MAP3K4: variants seen among roughly 807,000 people sequenced by gnomAD.
MAP3K4 encodes the protein MAP three kinase 1.
Under a neutral mutation model 185.6 loss-of-function variants are expected in MAP3K4, and 67 were observed. The observed-to-expected ratio is 0.36, with a 90% CI of 0.30 to 0.44. MAP3K4 has a LOEUF of 0.44. MAP3K4 is among the 20% of genes least tolerant of loss of function. The probability of loss-of-function intolerance (pLI) is 1.00; values close to 1 mark genes in which losing one functional copy is unlikely to be tolerated. For missense variants in MAP3K4, 1,551 were observed against 1,995.1 expected (o/e 0.78, Z 4.24); for synonymous variants, 702 against 710.4 (o/e 0.99, Z 0.19).
At chr6:160,995,808 C>T (rs1780960547) in intron 1 of MAP3K4, among the ~76,000 whole-genome samples, 1 of 152,162 alleles carries the variant, frequency 6.6e-6, no homozygotes, top group Non-Finnish European at 1.5e-5. Flanking sequence ...TGGATCTGTA[C>T]ACCTAAAACA....
At position 161,070,666 on chromosome 6, in the gene MAP3K4, C is replaced by T. The variant is rs1784897842; in HGVS notation, c.1766C>T (p.Pro589Leu). The change falls in exon 4 of 27, where the codon CCA becomes CTA. Residue 589 changes from proline (P) to leucine (L), a missense_variant. By Grantham distance (98) the Pro-to-Leu change is moderately conservative. Transcript: ENST00000392142. The surrounding 1 kb of genome is among the most constrained non-coding windows in gnomAD (Gnocchi z 4.5). Reference protein sequence around the residue: ...GSDYVQLSRTPPSSEEKCSAV... With the variant: ...GSDYVQLSRTLPSSEEKCSAV... ...GATTATGTGCAGTTGTCAAGGACAC[C>T]ACCTTCATCTGAGGAGAAATGCAGT... is the stretch of plus-strand genomic sequence containing the variant. 3.7e-6 allele frequency: 6 copies of T among 1,613,912 alleles called. No individual in the cohort carries two copies. Among genetic ancestry groups the T allele is most frequent in the Non-Finnish European group, 5.1e-6 (6 of 1,179,936 alleles).
At position 161,049,898 on chromosome 6, in the gene MAP3K4, A is replaced by G; in HGVS notation, c.1626A>G (p.Leu542=). The G allele has an allele frequency of 1.2e-6, 2 of 1,614,146 alleles. No individual in the cohort carries two copies. The highest frequency in any genetic ancestry group is 1.7e-6 in the Non-Finnish European group (2 of 1,180,012). Residue 542 remains leucine (L), a synonymous_variant, in exon 3 of 27, where the codon TTA becomes TTG. Transcript: ENST00000392142. The surrounding 1 kb of genome is among the most constrained non-coding windows in gnomAD (Gnocchi z 8.4). ...TGAAGCAGATGGGGTTAAGAAAGTT[A>G]ATTTTAAGACTTCACAAGCTAATGG... is the stretch of plus-strand genomic sequence containing the variant. ...KALKQMGLRK[L]ILRLHKLMDG...
chr6:161,114,313 C>T lies in MAP3K4; in HGVS notation c.4627-810C>T, dbSNP rs575607860. Among the ~76,000 whole-genome samples, 5 of 152,178 alleles carry T rather than the reference C, an allele frequency of 3.3e-5. No individual in the cohort carries two copies. Among genetic ancestry groups the T allele is most frequent in the South Asian group, 2.1e-4 (1 of 4,810 alleles). ...GCATGAACTGCACATGGTAGCTTAC[C>T]GTACACATACAGTATTATAGCAAAA... is the stretch of plus-strand genomic sequence containing the variant. On this transcript the variant is annotated intron_variant, in intron 25 of 26. Coordinates refer to ENST00000392142, the MANE Select transcript of MAP3K4 (RefSeq NM_005922.4). The surrounding 1 kb of genome is among the most constrained non-coding windows in gnomAD (Gnocchi z 4.3).
At chr6:161,060,754 GGAT>G (rs981057904) in intron 3 of MAP3K4, among the ~76,000 whole-genome samples, 1 of 151,628 alleles carries the variant, frequency 6.6e-6, no homozygotes, top group Non-Finnish European at 1.5e-5. Flanking sequence ...TGAGTAGCTG[GGAT>G]TACAGGCATG....
In MAP3K4 at chr6:161,115,270, G is replaced by A. The variant is rs201373492; in HGVS notation, c.4774G>A (p.Ala1592Thr). Residue 1592 changes from alanine (A) to threonine (T), a missense_variant, in exon 26 of 27, where the codon GCC becomes ACC. Ala to Thr is a moderately conservative substitution (Grantham distance 58, BLOSUM62 0). Around this residue, in one of 16 missense-constraint regions of MAP3K4, gnomAD observed 159 missense variants for 300.5 expected, o/e 0.53. Coordinates refer to ENST00000392142, the MANE Select transcript of MAP3K4 (RefSeq NM_005922.4). This position sits in a 1 kb window ranked among gnomAD's most constrained non-coding sequence, Gnocchi z 6.0. ...GAGTGACCCAAAGATGAGATGGACCGCCAGCCAGCTCCTCGACCATTCGTT... is the reference window on the plus strand; with the variant it reads ...GAGTGACCCAAAGATGAGATGGACCACCAGCCAGCTCCTCGACCATTCGTT... ...LESDPKMRWT[A>T]SQLLDHSFVK... The A allele has an allele frequency of 6.2e-6, 10 of 1,613,784 alleles. No individual in the cohort carries two copies. The highest frequency in any genetic ancestry group is 1.7e-5 in the Admixed American group (1 of 59,972).
chr6:161,060,013 G>A (rs1784416624), intron 3 of MAP3K4, among the ~76,000 whole-genome samples: 2 of 152,022 alleles, frequency 1.3e-5, no homozygotes, highest in African/African-American at 4.8e-5. Flanking sequence ...TCAAATTCAG[G>A]ATTTTTTAAT....
Position 161,048,822 on chromosome 6 carries a change from C to G in MAP3K4, c.550C>G (p.Leu184Val). Reference protein sequence around the residue: ...LPKKSIPDVDLNKPYLSLGCS... With the variant: ...LPKKSIPDVDVNKPYLSLGCS... ...AAAAAAATCAATTCCAGATGTGGAT[C>G]TCAATAAGCCTTACCTCAGCCTTGG... Residue 184 changes from leucine (L) to valine (V), a missense_variant, in exon 3 of 27, where the codon CTC becomes GTC. Leu to Val is a conservative substitution (Grantham distance 32). Coordinates refer to ENST00000392142, the MANE Select transcript of MAP3K4 (RefSeq NM_005922.4). This position sits in a 1 kb window ranked among gnomAD's most constrained non-coding sequence, Gnocchi z 4.7. 6.2e-7 allele frequency: 1 copy of G among 1,614,194 alleles called. No homozygotes were observed. Among genetic ancestry groups the G allele is most frequent in the Non-Finnish European group, 8.5e-7 (1 of 1,180,016 alleles).
At chr6:160,995,327 A>C (rs1209902988) in intron 1 of MAP3K4, among the ~76,000 whole-genome samples, 1 of 151,988 alleles carries the variant, frequency 6.6e-6, no homozygotes, top group South Asian at 2.1e-4. Context: ...CTAGAATAAA[A>C]CTCTGTTTGC....
chr6:161,106,821 T>A lies in MAP3K4; in HGVS notation c.4048+116T>A. ...CCTTTTTTCTTGTAGACATAGCAAG[T>A]ATGCATTGTTATCTTTTTGCAAAGT... On this transcript the variant is annotated intron_variant, in intron 20 of 26. Transcript: ENST00000392142. The surrounding 1 kb of genome is among the most constrained non-coding windows in gnomAD (Gnocchi z 4.9). 1.4e-6 allele frequency: 1 copy of A among 738,212 alleles called. No homozygotes were observed. Among genetic ancestry groups the A allele is most frequent in the Non-Finnish European group, 2.0e-6 (1 of 498,628 alleles). The allele number at this position is 738,212 out of a possible 1,614,324, so 45.7% of individuals were successfully genotyped here. A position where few individuals can be genotyped will look rare whatever the true frequency, so the allele number is the denominator to read the frequency against.
At chr6:161,111,335 A>T (rs781752230) in intron 23 of MAP3K4, among the ~76,000 whole-genome samples, 6 of 152,242 alleles carry the variant, frequency 3.9e-5, no homozygotes, top group Non-Finnish European at 7.3e-5. Flanking sequence ...CAAGTTAAGC[A>T]TATATGTTGC....
Position 161,048,857 on chromosome 6 carries a change from T to C in MAP3K4, c.585T>C (p.Asn195=), listed in dbSNP as rs753945220. The stretch of plus-strand genomic sequence containing the variant: ...CTTACCTCAGCCTTGGCTGTAGCAA[T>C]GCTAAGCTTCCAGTATCTGTGCCCA... ...NKPYLSLGCS[N]AKLPVSVPMP... is the part of the protein sequence containing the mutation. Residue 195 remains asparagine, a synonymous_variant, in exon 3 of 27, where the codon AAT becomes AAC. Coordinates refer to ENST00000392142, the MANE Select transcript of MAP3K4 (RefSeq NM_005922.4). The surrounding 1 kb of genome is among the most constrained non-coding windows in gnomAD (Gnocchi z 4.7). 2.5e-6 allele frequency: 4 copies of C among 1,614,080 alleles called. No individual in the cohort carries two copies. Among genetic ancestry groups the C allele is most frequent in the Non-Finnish European group, 2.5e-6 (3 of 1,180,038 alleles).
In MAP3K4 at chr6:161,091,125, A is replaced by C. The variant is rs906055667; in HGVS notation, c.2974-254A>C. Among the ~76,000 whole-genome samples the C allele has an allele frequency of 2.0e-5, 3 of 152,210 alleles. No homozygotes were observed. The highest frequency in any genetic ancestry group is 7.2e-5 in the African/African-American group (3 of 41,444). ...AGGTGGTTGATGTATAAAAATATTG[A>C]AGATAAAAGCATCTATTCCAAGAGC... On this transcript the variant is annotated intron_variant, in intron 11 of 26. Coordinates refer to ENST00000392142, the MANE Select transcript of MAP3K4 (RefSeq NM_005922.4). The surrounding 1 kb of genome is among the most constrained non-coding windows in gnomAD (Gnocchi z 5.5).
chr6:161,044,271 C>G lies in MAP3K4; in HGVS notation c.344-4345C>G, dbSNP rs182069313. On this transcript the variant is annotated intron_variant, in intron 2 of 26. Transcript: ENST00000392142. ...TTGTAGTCCTGTAATTAGAACTTGC[C>G]AAATAAAACATTCTATATAGCTAAC... Among the ~76,000 whole-genome samples the G allele has an allele frequency of 4.5e-3, 689 of 152,238 alleles. 6 individuals carry two copies. Among genetic ancestry groups the G allele is most frequent in the African/African-American group, 0.016 (655 of 41,532 alleles).
At chr6:161,062,430 T>C (rs781147339) in intron 3 of MAP3K4, among the ~76,000 whole-genome samples, 9 of 152,014 alleles carry the variant, frequency 5.9e-5, no homozygotes, top group Non-Finnish European at 4.4e-5. Context: ...ATAATAGACA[T>C]GTAGATAGAA....
At chr6:161,068,995 A>G (rs1013457184) in intron 3 of MAP3K4, among the ~76,000 whole-genome samples, 1 of 152,264 alleles carries the variant, frequency 6.6e-6, no homozygotes, top group Non-Finnish European at 1.5e-5. Context: ...CTGTAAAGCA[A>G]CTAATGGTCC....
chr6:161,090,529 G>A (rs1051357003), intron 11 of MAP3K4, among the ~76,000 whole-genome samples: 15 of 145,510 alleles, frequency 1.0e-4, no homozygotes, highest in East Asian at 4.0e-4. Flanking sequence ...GCTGTCCTGC[G>A]CATTGTAGGA....
In MAP3K4 at chr6:161,076,947, C is replaced by T. The variant is rs1454583702; in HGVS notation, c.2097+3335C>T. On this transcript the variant is annotated intron_variant, in intron 5 of 26. Transcript: ENST00000392142. The surrounding 1 kb of genome is among the most constrained non-coding windows in gnomAD (Gnocchi z 4.2). Reference sequence around the variant, plus strand: ...AACAAGACTACAGCTGAGAAAAATGCCCTCAGGAAAGGCACAGGTCTTTTG... The same window carrying T: ...AACAAGACTACAGCTGAGAAAAATGTCCTCAGGAAAGGCACAGGTCTTTTG... 6.6e-6 allele frequency among the ~76,000 whole-genome samples: 1 copy of T among 152,102 alleles called. No homozygotes were observed. Among genetic ancestry groups the T allele is most frequent in the Non-Finnish European group, 1.5e-5 (1 of 68,012 alleles).
rs939526006 is a variant in MAP3K4 at position 161,109,073 on chromosome 6, A to G, written c.4236+214A>G. 7 of 1,394,646 alleles carry G rather than the reference A, an allele frequency of 5.0e-6. No individual in the cohort carries two copies. Among genetic ancestry groups the G allele is most frequent in the Admixed American group, 2.0e-5 (1 of 50,568 alleles). The allele number at this position is 1,394,646 out of a possible 1,614,324, so 86.4% of individuals were successfully genotyped here. On this transcript the variant is annotated intron_variant, in intron 22 of 26. Coordinates refer to ENST00000392142, the MANE Select transcript of MAP3K4 (RefSeq NM_005922.4). The surrounding 1 kb of genome is among the most constrained non-coding windows in gnomAD (Gnocchi z 5.7). ...TGTAGACTGTAGTCATTAACCCGACATCATAAAGCACTGAAACCCATCCTG... is the reference window on the plus strand; with the variant it reads ...TGTAGACTGTAGTCATTAACCCGACGTCATAAAGCACTGAAACCCATCCTG...
At chr6:161,000,048 C>T (rs1318830720) in intron 1 of MAP3K4, among the ~76,000 whole-genome samples, 1 of 152,150 alleles carries the variant, frequency 6.6e-6, no homozygotes, top group African/African-American at 2.4e-5. Flanking sequence ...AACTTCTGGT[C>T]TGTAGTAGTG....
Sources: allele counts gnomAD v4.1 joint callset (sites outside exome capture counted in the v4.1 genomes callset), GRCh38; gene constraint gnomAD v4.1.1; regional missense constraint gnomAD v4.1.1; non-coding constraint Gnocchi (gnomAD v3.1); transcripts MANE v1.5; gene names NCBI Gene and HGNC (gene_info 2026-07-23, HGNC 2026-07-21).